The following OSBPL3 variants were observed in gnomAD, a reference collection of about 807,000 sequenced individuals.
OSBPL3 encodes oxysterol-binding protein-related protein 3.
Under a neutral mutation model 120.1 loss-of-function variants are expected in OSBPL3, and 65 were observed. That is an observed-to-expected ratio of 0.54 (90% confidence interval 0.44 to 0.67). The LOEUF (loss-of-function observed/expected upper bound fraction) is 0.67, where lower values mean the gene tolerates loss of function less well. Ranked by LOEUF, OSBPL3 falls within the 30% of genes least tolerant of loss-of-function variation. The pLI is 0.00. For missense variants in OSBPL3, 1,004 were observed against 1,082.1 expected, an observed-to-expected ratio of 0.93 and a Z score of 1.01; for synonymous variants, 416 against 402.6, an observed-to-expected ratio of 1.03 and a Z score of -0.40.
Position 24,840,923 on chromosome 7 carries a change from T to C in OSBPL3, c.1402-140A>G, listed in dbSNP as rs111534430. 1.4e-3 allele frequency: 729 copies of C among 525,302 alleles called. 3 individuals are homozygous for C. Among genetic ancestry groups the C allele is most frequent in the African/African-American group, 0.013 (664 of 49,540 alleles). The allele number at this position is 525,302 out of a possible 1,614,324, so 32.5% of individuals were successfully genotyped here. A position where few individuals can be genotyped will look rare whatever the true frequency, so the allele number is the denominator to read the frequency against. Reference sequence around the variant, plus strand: ...TGGGTACTGTTTTCATAAAGGTCCATATACCAATCTGCCAAGGAGGTGTTC... The same window carrying C: ...TGGGTACTGTTTTCATAAAGGTCCACATACCAATCTGCCAAGGAGGTGTTC... On this transcript the variant is annotated intron_variant, in intron 13 of 22. Coordinates refer to ENST00000313367, the MANE Select transcript of OSBPL3 (RefSeq NM_015550.4).
In OSBPL3 at chr7:24,953,816, G is replaced by A. The variant is rs1448624749; in HGVS notation, c.-150+26070C>T. On this transcript the variant is annotated intron_variant, in intron 1 of 22. Transcript: ENST00000313367. This position sits in a 1 kb window ranked among gnomAD's most constrained non-coding sequence, Gnocchi z 4.3. The stretch of plus-strand genomic sequence containing the variant: ...CTGACTCTCCATTAAATGTTCAACG[G>A]CATGAACTAGAAGCAGGCAGCATGT... Among the ~76,000 whole-genome samples the A allele has an allele frequency of 6.6e-6, 1 of 152,198 alleles. No individual in the cohort carries two copies. Among genetic ancestry groups the A allele is most frequent in the Middle Eastern group, 3.2e-3 (1 of 316 alleles).
intron 19 of OSBPL3, among the ~76,000 whole-genome samples, chr7:24,814,067 C>T (rs777004075): frequency 1.2e-4 from 18 of 151,994 alleles, no homozygotes; most frequent in African/African-American, 3.4e-4. Flanking sequence ...CACACAGCAA[C>T]GATGAGCAGG....
Position 24,830,702 on chromosome 7 carries a change from CA to C in OSBPL3, c.1884+65del, listed in dbSNP as rs1796258666. 7.0e-7 allele frequency: 1 copy of C among 1,427,794 alleles called. No individual in the cohort carries two copies. The highest frequency in any genetic ancestry group is 2.4e-5 in the East Asian group (1 of 41,926). The allele number at this position is 1,427,794 out of a possible 1,614,324, so 88.4% of individuals were successfully genotyped here. On this transcript the variant is annotated intron_variant, in intron 16 of 22. Transcript: ENST00000313367. The surrounding 1 kb of genome is among the most constrained non-coding windows in gnomAD (Gnocchi z 4.4). ...AGTGAAAGGTGGAAGATAAATATTT[CA>C]GAAGCACATTTAATGGGAGACATAA...
rs1303359651 is a variant in OSBPL3 at position 24,922,812 on chromosome 7, C to G, written c.-149-30191G>C. ...CAACCCTGTCCCTGCTGCCCTCACCCTCTTGGTGAAAGTGACAGACCACCC... is the reference window on the plus strand; with the variant it reads ...CAACCCTGTCCCTGCTGCCCTCACCGTCTTGGTGAAAGTGACAGACCACCC... On this transcript the variant is annotated intron_variant, in intron 1 of 22. Coordinates refer to ENST00000313367, the MANE Select transcript of OSBPL3 (RefSeq NM_015550.4). The surrounding 1 kb of genome is among the most constrained non-coding windows in gnomAD (Gnocchi z 4.3). Among the ~76,000 whole-genome samples, 2 of 152,076 alleles carry G rather than the reference C, an allele frequency of 1.3e-5. No homozygotes were observed. The highest frequency in any genetic ancestry group is 2.9e-5 in the Non-Finnish European group (2 of 68,032).
chr7:24,890,161 T>C (rs914029411), intron 2 of OSBPL3, among the ~76,000 whole-genome samples: 1 of 152,198 alleles, frequency 6.6e-6, no homozygotes, highest in East Asian at 1.9e-4. Context: ...CCCCTCCAGA[T>C]GAAAGAAAGA....
chr7:24,831,491 T>C lies in OSBPL3; in HGVS notation c.1747-586A>G, dbSNP rs1736614197. ...CTTTTTTGGGAGGAAAAGTGAAACA[T>C]CCAAAAAAAAAATTAAAATAAAGAG... On this transcript the variant is annotated intron_variant, in intron 15 of 22. Transcript: ENST00000313367. This position sits in a 1 kb window ranked among gnomAD's most constrained non-coding sequence, Gnocchi z 4.0. Among the ~76,000 whole-genome samples the C allele has an allele frequency of 6.8e-6, 1 of 148,070 alleles. No homozygotes were observed. Among genetic ancestry groups the C allele is most frequent in the Non-Finnish European group, 1.5e-5 (1 of 65,676 alleles).
Position 24,849,310 on chromosome 7 carries a change from G to T in OSBPL3, c.1159-134C>A. ...GACGTGGTCTGACAGCGCACTTTCT[G>T]GACTTTTTCCTTGAATGCTCTCCAA... On this transcript the variant is annotated intron_variant, in intron 11 of 22. Transcript: ENST00000313367. The surrounding 1 kb of genome is among the most constrained non-coding windows in gnomAD (Gnocchi z 5.4). The T allele has an allele frequency of 1.7e-6, 1 of 601,408 alleles. No homozygotes were observed. The allele number at this position is 601,408 out of a possible 1,614,324, so 37.3% of individuals were successfully genotyped here. A position where few individuals can be genotyped will look rare whatever the true frequency, so the allele number is the denominator to read the frequency against.
Position 24,918,830 on chromosome 7 carries a change from A to G in OSBPL3, c.-149-26209T>C, listed in dbSNP as rs1356615020. On this transcript the variant is annotated intron_variant, in intron 1 of 22. Coordinates refer to ENST00000313367, the MANE Select transcript of OSBPL3 (RefSeq NM_015550.4). This position sits in a 1 kb window ranked among gnomAD's most constrained non-coding sequence, Gnocchi z 4.3. ...GAAGAATGATTTTAAGGAAGAATTT[A>G]GAATCGTATTACAAGGTACCAAGAA... Among the ~76,000 whole-genome samples the G allele has an allele frequency of 6.6e-6, 1 of 152,248 alleles. No individual in the cohort carries two copies. The highest frequency in any genetic ancestry group is 1.5e-5 in the Non-Finnish European group (1 of 68,032).
chr7:24,812,495 T>C (rs1371398567), intron 19 of OSBPL3, among the ~76,000 whole-genome samples: 1 of 151,952 alleles, frequency 6.6e-6, no homozygotes, highest in Non-Finnish European at 1.5e-5. Context: ...GCCCAGAGGA[T>C]TTTATACAGT....
At position 24,945,394 on chromosome 7, in the gene OSBPL3, G is replaced by C. The variant is rs1166879593; in HGVS notation, c.-150+34492C>G. Among the ~76,000 whole-genome samples the C allele has an allele frequency of 2.6e-5, 4 of 152,264 alleles. No individual in the cohort carries two copies. In the East Asian group the frequency reaches 7.7e-4, roughly 29 times the overall value. On this transcript the variant is annotated intron_variant, in intron 1 of 22. Transcript: ENST00000313367. ...ATTCAACATAGACTTAGTGACACCA[G>C]GTATTGATATTATTCTAGGAATTGG...
rs116419992 is a variant in OSBPL3, at chr7:24,913,188, A to T, written c.-149-20567T>A. Among the ~76,000 whole-genome samples, 1,635 of 152,290 alleles carry T rather than the reference A, an allele frequency of 0.011. 37 individuals are homozygous for T. The highest frequency in any genetic ancestry group is 0.037 in the African/African-American group (1,526 of 41,550). Reference sequence around the variant, plus strand: ...CCCAAATTAAAGATGTCAGGGATACATAAATATTGTCATTAACCTACCAGT... The same window carrying T: ...CCCAAATTAAAGATGTCAGGGATACTTAAATATTGTCATTAACCTACCAGT... On this transcript the variant is annotated intron_variant, in intron 1 of 22. Coordinates refer to ENST00000313367, the MANE Select transcript of OSBPL3 (RefSeq NM_015550.4). This position sits in a 1 kb window ranked among gnomAD's most constrained non-coding sequence, Gnocchi z 5.3.
rs547716872 is a variant in OSBPL3, at chr7:24,956,656, T to C, written c.-150+23230A>G. 5.3e-5 allele frequency among the ~76,000 whole-genome samples: 8 copies of C among 152,360 alleles called. No homozygotes were observed. The East Asian group carries it at 1.3e-3, about 26-fold the overall frequency. ...TAGACCTCAAACTTCTGATTCTTTG[T>C]ATTCTTCCTTGTAAAACAGGCCTTT... On this transcript the variant is annotated intron_variant, in intron 1 of 22. Coordinates refer to ENST00000313367, the MANE Select transcript of OSBPL3 (RefSeq NM_015550.4).
chr7:24,920,006 ACAAGTGT>A, intron 1 of OSBPL3, among the ~76,000 whole-genome samples: 1 of 152,192 alleles, frequency 6.6e-6, no homozygotes, highest in African/African-American at 2.4e-5. Flanking sequence ...ACAGACAATA[ACAAGTGT>A]TATCAAGGAT....
chr7:24,844,070 C>T (rs1159328507), intron 12 of OSBPL3, among the ~76,000 whole-genome samples: 1 of 152,218 alleles, frequency 6.6e-6, no homozygotes, highest in Non-Finnish European at 1.5e-5. Flanking sequence ...GCCCCTAGCC[C>T]TTTCTGGCAT....
chr7:24,967,079 A>T lies in OSBPL3; in HGVS notation c.-150+12807T>A, dbSNP rs1816476919. Reference sequence around the variant, plus strand: ...CTGTTTGCAGACACTCTAAATCTGTATTCACAGGTCATCTACATTATCTCA... The same window carrying T: ...CTGTTTGCAGACACTCTAAATCTGTTTTCACAGGTCATCTACATTATCTCA... On this transcript the variant is annotated intron_variant, in intron 1 of 22. Transcript: ENST00000313367. The surrounding 1 kb of genome is among the most constrained non-coding windows in gnomAD (Gnocchi z 5.6). Among the ~76,000 whole-genome samples, 1 of 152,224 alleles carries T rather than the reference A, an allele frequency of 6.6e-6. No individual in the cohort carries two copies. Among genetic ancestry groups the T allele is most frequent in the Non-Finnish European group, 1.5e-5 (1 of 68,044 alleles).
At position 24,815,909 on chromosome 7, in the gene OSBPL3, T is replaced by C. The variant is rs1794406713; in HGVS notation, c.2027+701A>G. 6.6e-6 allele frequency among the ~76,000 whole-genome samples: 1 copy of C among 152,176 alleles called. No individual in the cohort carries two copies. The highest frequency in any genetic ancestry group is 6.5e-5 in the Admixed American group (1 of 15,286). ...GAATCTCGGCAGTCCAGTTTCAGAGTCCCTGCTCAGAAGCATCTTGCTTTA... is the reference window on the plus strand; with the variant it reads ...GAATCTCGGCAGTCCAGTTTCAGAGCCCCTGCTCAGAAGCATCTTGCTTTA... On this transcript the variant is annotated intron_variant, in intron 18 of 22. Coordinates refer to ENST00000313367, the MANE Select transcript of OSBPL3 (RefSeq NM_015550.4). The surrounding 1 kb of genome is among the most constrained non-coding windows in gnomAD (Gnocchi z 5.1).
intron 5 of OSBPL3, among the ~76,000 whole-genome samples, chr7:24,869,201 A>G (rs1801776011): frequency 6.6e-6 from 1 of 152,254 alleles, no homozygotes; most frequent in African/African-American, 2.4e-5. Context: ...TTATCACAAT[A>G]TTAGCATTCA....
Position 24,946,935 on chromosome 7 carries a change from AG to A in OSBPL3, c.-150+32950del, listed in dbSNP as rs1416663305. Among the ~76,000 whole-genome samples, 2 of 152,334 alleles carry A rather than the reference AG, an allele frequency of 1.3e-5. No individual in the cohort carries two copies. Among genetic ancestry groups the A allele is most frequent in the East Asian group, 3.9e-4 (2 of 5,188 alleles). ...ACAACACTCATCAGGAATCCAATAA[AG>A]GTTTGCTGTTTGGCTTGTGCTCAAA... On this transcript the variant is annotated intron_variant, in intron 1 of 22. Transcript: ENST00000313367. The surrounding 1 kb of genome is among the most constrained non-coding windows in gnomAD (Gnocchi z 4.3).
At position 24,803,706 on chromosome 7, in the gene OSBPL3, G is replaced by A. The variant is rs1584165490; in HGVS notation, c.2567+609C>T. On this transcript the variant is annotated intron_variant, in intron 22 of 22. Transcript: ENST00000313367. The surrounding 1 kb of genome is among the most constrained non-coding windows in gnomAD (Gnocchi z 4.2). Reference sequence around the variant, plus strand: ...GAATCGCTTGAACCCAGGAGGTGGAGGCTGCAGTGAGTCAAGATGGTGCCA... The same window carrying A: ...GAATCGCTTGAACCCAGGAGGTGGAAGCTGCAGTGAGTCAAGATGGTGCCA... Among the ~76,000 whole-genome samples the A allele has an allele frequency of 6.6e-6, 1 of 152,262 alleles. No homozygotes were observed. Among genetic ancestry groups the A allele is most frequent in the East Asian group, 1.9e-4 (1 of 5,182 alleles).
Sources: gnomAD v4.1 joint callset for allele counts (sites outside exome capture counted in the v4.1 genomes callset) on GRCh38, gnomAD v4.1.1 for gene constraint, Gnocchi (gnomAD v3.1) non-coding constraint, MANE v1.5 for transcripts, NCBI Gene and HGNC (gene_info 2026-07-23, HGNC 2026-07-21) for gene names.